The following F13A1 variants were observed in gnomAD, a reference collection of about 807,000 sequenced individuals.
The protein encoded by F13A1 is FSF, A subunit.
A neutral mutation model predicts 80.1 loss-of-function variants in F13A1; 47 were observed. The ratio of observed to expected loss-of-function variants is 0.59; its 90% CI spans 0.46 to 0.75. The LOEUF is 0.75. Among genes scored for constraint, F13A1 ranks in the 30% least tolerant of loss-of-function variants. The probability of loss-of-function intolerance (pLI) is 0.00; values close to 1 mark genes in which losing one functional copy is unlikely to be tolerated. For missense variants in F13A1, 817 were observed against 930.4 expected (o/e 0.88, Z 1.59); for synonymous variants, 349 against 344.9 (o/e 1.01, Z -0.13).
intron 6 of F13A1, among the ~76,000 whole-genome samples, chr6:6,232,040 CA>C (rs1380353468): frequency 1.3e-5 from 2 of 151,856 alleles, no homozygotes; most frequent in African/African-American, 4.8e-5. Context: ...AAACAAAAAA[CA>C]AAAAAACCAA....
intron 13 of F13A1, among the ~76,000 whole-genome samples, chr6:6,156,566 C>T (rs901679300): frequency 6.6e-6 from 1 of 151,940 alleles, no homozygotes; most frequent in Non-Finnish European, 1.5e-5. Flanking sequence ...TGTATTTTTC[C>T]CTCCCCCTTG....
At chr6:6,178,914 C>A (rs180974624) in intron 11 of F13A1, among the ~76,000 whole-genome samples, 2 of 152,278 alleles carry the variant, frequency 1.3e-5, no homozygotes, top group Non-Finnish European at 2.9e-5. Flanking sequence ...GTGGTCTTGG[C>A]AACCTTGAGA....
In F13A1 at chr6:6,318,531, A is replaced by T. The variant is rs780670769; in HGVS notation, c.130+4T>A. On this transcript the variant is annotated splice_donor_region_variant and intron_variant, in intron 2 of 14. Coordinates refer to ENST00000264870, the MANE Select transcript of F13A1 (RefSeq NM_000129.4). ...AGTGGTGGGGAAGGGGGGTATGCTC[A>T]TACCTTGCAGGTTGACGCCCCGGGG... The T allele has an allele frequency of 1.2e-6, 2 of 1,613,128 alleles. No homozygotes were observed. The highest frequency in any genetic ancestry group is 1.7e-6 in the Non-Finnish European group (2 of 1,179,724).
rs562072158 is a variant in F13A1, at chr6:6,225,754, C to T, written c.799-894G>A. On this transcript the variant is annotated intron_variant, in intron 6 of 14. Transcript: ENST00000264870. ...CTGGGCTCAAGTGATTCTCCTGCCT[C>T]AGCCTTCCAAAGAGTTGGAATTACA... Among the ~76,000 whole-genome samples the T allele has an allele frequency of 2.1e-4, 32 of 152,320 alleles. No individual in the cohort carries two copies. In the South Asian group the frequency reaches 6.6e-3, roughly 32 times the overall value.
At chr6:6,244,847 C>T (rs1340069365) in intron 6 of F13A1, among the ~76,000 whole-genome samples, 3 of 152,160 alleles carry the variant, frequency 2.0e-5, no homozygotes, top group Admixed American at 2.0e-4. Flanking sequence ...AGTCGCTTCC[C>T]ATATGATGCT....
chr6:6,256,920 A>G (rs533712387), intron 4 of F13A1, among the ~76,000 whole-genome samples: 12 of 152,204 alleles, frequency 7.9e-5, no homozygotes, highest in South Asian at 2.1e-4. Context: ...CTATGGTGCT[A>G]GAACAGCTAA....
chr6:6,295,904 T>C (rs1173526293), intron 3 of F13A1, among the ~76,000 whole-genome samples: 1 of 141,410 alleles, frequency 7.1e-6, no homozygotes, highest in Non-Finnish European at 1.5e-5. Context: ...CTTTAATCCA[T>C]CTTGAATTGA....
intron 4 of F13A1, among the ~76,000 whole-genome samples, chr6:6,258,749 T>A (rs1460863626): frequency 6.6e-6 from 1 of 152,214 alleles, no homozygotes; most frequent in Non-Finnish European, 1.5e-5. Flanking sequence ...AGAGGAATAT[T>A]GAGTAAATAA....
chr6:6,150,846 T>C (rs138707339), intron 14 of F13A1, among the ~76,000 whole-genome samples: 166 of 151,926 alleles, frequency 1.1e-3, no homozygotes, highest in African/African-American at 3.9e-3. Context: ...TTGGAATGTG[T>C]GGGAGAGAGA....
chr6:6,199,774 T>C (rs1232805879), intron 8 of F13A1, among the ~76,000 whole-genome samples: 1 of 152,156 alleles, frequency 6.6e-6, no homozygotes, highest in African/African-American at 2.4e-5. Context: ...TCGTGGAAGA[T>C]GGATGGAGAG....
At chr6:6,208,348 C>G (rs1009213575) in intron 8 of F13A1, among the ~76,000 whole-genome samples, 1 of 152,076 alleles carries the variant, frequency 6.6e-6, no homozygotes, top group African/African-American at 2.4e-5. Context: ...ATTTGAATAA[C>G]AGAAGCAAAA....
intron 14 of F13A1, among the ~76,000 whole-genome samples, chr6:6,150,215 G>A (rs1324696411): frequency 3.3e-5 from 5 of 152,178 alleles, no homozygotes; most frequent in Admixed American, 2.6e-4. Flanking sequence ...AAGAGGAAAC[G>A]TGTTTCACTT....
In F13A1 at chr6:6,279,435, T is replaced by C. The variant is rs78823216; in HGVS notation, c.320-12626A>G. 7.9e-4 allele frequency among the ~76,000 whole-genome samples: 121 copies of C among 152,322 alleles called. 1 individual carries two copies. In the East Asian group the frequency reaches 0.018, roughly 23 times the overall value. On this transcript the variant is annotated intron_variant, in intron 3 of 14. Coordinates refer to ENST00000264870, the MANE Select transcript of F13A1 (RefSeq NM_000129.4). ...TTGCCCCATCTGACCCCAACTGTTA[T>C]GCAATTCTTTCAACTGACAAAGAAT...
At chr6:6,292,316 C>T (rs745495719) in intron 3 of F13A1, among the ~76,000 whole-genome samples, 6 of 152,188 alleles carry the variant, frequency 3.9e-5, no homozygotes, top group Non-Finnish European at 7.3e-5. Context: ...CATCTGTCAT[C>T]ATAGTCACAT....
chr6:6,272,907 C>T (rs1757941713), intron 3 of F13A1, among the ~76,000 whole-genome samples: 1 of 152,178 alleles, frequency 6.6e-6, no homozygotes, highest in Non-Finnish European at 1.5e-5. Flanking sequence ...TGTCATCCTA[C>T]CCACACAAAA....
intron 6 of F13A1, among the ~76,000 whole-genome samples, chr6:6,244,488 T>C (rs773327662): frequency 6.6e-6 from 1 of 152,218 alleles, no homozygotes; most frequent in Non-Finnish European, 1.5e-5. Flanking sequence ...AATCTCTAGA[T>C]GATGAGAATA....
chr6:6,153,707 A>G (rs144627316), intron 13 of F13A1, among the ~76,000 whole-genome samples: 2 of 152,268 alleles, frequency 1.3e-5, no homozygotes, highest in African/African-American at 4.8e-5. Context: ...TTAACCAGCA[A>G]TCCTCAGTCT....
At chr6:6,217,848 G>C (rs954516524) in intron 8 of F13A1, among the ~76,000 whole-genome samples, 7 of 152,278 alleles carry the variant, frequency 4.6e-5, no homozygotes, top group Admixed American at 2.6e-4. Context: ...GTTAATTTCT[G>C]CTCTAAAATG....
chr6:6,233,207 A>G (rs887408793), intron 6 of F13A1, among the ~76,000 whole-genome samples: 2 of 152,050 alleles, frequency 1.3e-5, no homozygotes, highest in African/African-American at 4.8e-5. Context: ...GATCATTAGC[A>G]AAATTAACCA....
Sources: gnomAD v4.1 joint callset for allele counts (sites outside exome capture counted in the v4.1 genomes callset) on GRCh38, gnomAD v4.1.1 for gene constraint, MANE v1.5 for transcripts, NCBI Gene and HGNC (gene_info 2026-07-23, HGNC 2026-07-21) for gene names.